RAB3GAP2: variants seen among roughly 807,000 people sequenced by gnomAD.
RAB3GAP2 encodes the protein rab3 GTPase-activating protein non-catalytic subunit.
RAB3GAP2 carries 87 observed loss-of-function variants against 185.3 expected under a neutral mutation model. The observed-to-expected ratio is 0.47, with a 90% CI of 0.39 to 0.56. RAB3GAP2 has a LOEUF of 0.56. RAB3GAP2 is among the 20% of genes least tolerant of loss of function. The pLI is 0.00. For missense variants in RAB3GAP2, 1,492 were observed against 1,638.2 expected (o/e 0.91, Z 1.54); for synonymous variants, 554 against 576.1 (o/e 0.96, Z 0.55).
chr1:220,245,389 G>C (rs1293553306), intron 1 of RAB3GAP2, among the ~76,000 whole-genome samples: 1 of 152,246 alleles, frequency 6.6e-6, no homozygotes, highest in Non-Finnish European at 1.5e-5. Flanking sequence ...CCCTTTGCGA[G>C]TCAAAGAAAG....
chr1:220,258,871 A>G (rs1183147325), intron 1 of RAB3GAP2, among the ~76,000 whole-genome samples: 1 of 152,222 alleles, frequency 6.6e-6, no homozygotes. Context: ...TTAAGCTGAT[A>G]AGCAACTTCA....
At chr1:220,180,870 T>C (rs896267822) in intron 21 of RAB3GAP2, among the ~76,000 whole-genome samples, 52 of 152,010 alleles carry the variant, frequency 3.4e-4, no homozygotes, top group African/African-American at 1.1e-3. Flanking sequence ...TGTGAAAGAG[T>C]ATGCAGTTGG....
intron 2 of RAB3GAP2, among the ~76,000 whole-genome samples, chr1:220,221,982 A>G (rs1659314373): frequency 6.6e-6 from 1 of 152,234 alleles, no homozygotes; most frequent in Non-Finnish European, 1.5e-5. Context: ...TTATGTTGTT[A>G]CTGTCATTTT....
At chr1:220,153,727 A>T (rs918004721) in intron 32 of RAB3GAP2, 5 of 465,616 alleles carry the variant, frequency 1.1e-5, no homozygotes, top group Middle Eastern at 6.5e-4. Context: ...CATTAGGTAT[A>T]TCTCCTAATG....
intron 17 of RAB3GAP2, 87 bp downstream of exon 17, chr1:220,189,616 T>G: frequency 2.3e-6 from 3 of 1,322,682 alleles, no homozygotes; most frequent in Non-Finnish European, 3.1e-6. Flanking sequence ...GCCTCTCATG[T>G]TTGGGGGAAA....
chr1:220,231,870 A>C (rs1030510400), intron 2 of RAB3GAP2, among the ~76,000 whole-genome samples: 1 of 152,238 alleles, frequency 6.6e-6, no homozygotes, highest in African/African-American at 2.4e-5. Context: ...TGAAGCCAAC[A>C]CTGCATATAC....
chr1:220,214,946 T>TTATATATATATATATATATA lies in RAB3GAP2; in HGVS notation c.181-987_181-968dup, dbSNP rs10526805. Among the ~76,000 whole-genome samples, 430 of 89,364 alleles carry TTATATATATATATATATATA rather than the reference T, an allele frequency of 4.8e-3. 6 individuals carry two copies. The highest frequency in any genetic ancestry group is 6.9e-3 in the Middle Eastern group (1 of 144). The allele number at this position is 89,364 out of a possible 152,430, so 58.6% of individuals were successfully genotyped here. A position where few individuals can be genotyped will look rare whatever the true frequency, so the allele number is the denominator to read the frequency against. ...CCTTTTTCTTACAAGAATAGTAGCATTATATATATATATATATATATATAT... is the reference window on the plus strand; with the variant it reads ...CCTTTTTCTTACAAGAATAGTAGCATTATATATATATATATATATATATATATATATATATATATATATAT... On this transcript the variant is annotated intron_variant, in intron 2 of 34. Transcript: ENST00000358951.
At chr1:220,214,271 C>T (rs948811786) in intron 2 of RAB3GAP2, among the ~76,000 whole-genome samples, 3 of 152,144 alleles carry the variant, frequency 2.0e-5, no homozygotes, top group Admixed American at 1.3e-4. Flanking sequence ...CATGGTGGCT[C>T]ACACCTGTAA....
At position 220,153,295 on chromosome 1, in the gene RAB3GAP2, G is replaced by A. The variant is rs564016323; in HGVS notation, c.3757C>T (p.Pro1253Ser). 1.9e-4 allele frequency: 303 copies of A among 1,614,112 alleles called. 4 individuals carry two copies. The South Asian group carries it at 3.2e-3, about 17-fold the overall frequency. Residue 1253 changes from proline to serine, a missense_variant, in exon 33 of 35, where the codon CCA becomes TCA. Pro to Ser is a moderately conservative substitution (Grantham distance 74). Coordinates refer to ENST00000358951, the MANE Select transcript of RAB3GAP2 (RefSeq NM_012414.4). ...TGGGCTAAATCCACAGCTAGAGCTG[G>A]CCAATCTTGGTCTTTCCCAAAAGGA... ...PTPFGKDQDWPALAVDLAHHL... is the reference protein window; with the variant it reads ...PTPFGKDQDWSALAVDLAHHL...
Position 220,157,294 on chromosome 1 carries a change from C to T in RAB3GAP2, c.3531G>A (p.Lys1177=), listed in dbSNP as rs753887972. ...CCTTACTGTCAAAAAGTGAAAGTGG[C>T]TTCACGGTCTTCAGAGAAAACCTCA... ...AVMRFSLKTV[K]PLSLFDSKGK... Residue 1177 remains lysine (K), a synonymous_variant, in exon 31 of 35, where the codon AAG becomes AAA. Coordinates refer to ENST00000358951, the MANE Select transcript of RAB3GAP2 (RefSeq NM_012414.4). 2 of 1,613,814 alleles carry T rather than the reference C, an allele frequency of 1.2e-6. No individual in the cohort carries two copies. The highest frequency in any genetic ancestry group is 1.7e-5 in the Admixed American group (1 of 59,956).
chr1:220,213,419 C>A (rs1024020456), intron 3 of RAB3GAP2, among the ~76,000 whole-genome samples: 7 of 151,984 alleles, frequency 4.6e-5, no homozygotes, highest in Non-Finnish European at 1.0e-4. Flanking sequence ...AAAAAAACCT[C>A]AATTTTAATC....
intron 1 of RAB3GAP2, among the ~76,000 whole-genome samples, chr1:220,246,143 G>C (rs1337600217): frequency 6.6e-6 from 1 of 152,126 alleles, no homozygotes. Context: ...CTCAAAAGAA[G>C]ACATCTATGC....
At chr1:220,220,974 C>T (rs1052072837) in intron 2 of RAB3GAP2, among the ~76,000 whole-genome samples, 4 of 152,116 alleles carry the variant, frequency 2.6e-5, no homozygotes, top group Admixed American at 6.5e-5. Flanking sequence ...GGAGAGAGCA[C>T]CCTGGCTTCT....
intron 9 of RAB3GAP2, among the ~76,000 whole-genome samples, chr1:220,200,983 GTCC>G (rs1658844892): frequency 6.6e-6 from 1 of 152,172 alleles, no homozygotes; most frequent in Non-Finnish European, 1.5e-5. Context: ...CAATAAGTGT[GTCC>G]TCCTCTGCTC....
At chr1:220,190,833 A>G (rs1303047582) in intron 14 of RAB3GAP2, among the ~76,000 whole-genome samples, 3 of 152,144 alleles carry the variant, frequency 2.0e-5, no homozygotes, top group Admixed American at 2.0e-4. Flanking sequence ...GTAAGGGACA[A>G]ACATTAGCAA....
At chr1:220,202,672 G>A (rs995902570) in intron 8 of RAB3GAP2, among the ~76,000 whole-genome samples, 2 of 152,178 alleles carry the variant, frequency 1.3e-5, no homozygotes, top group Admixed American at 1.3e-4. Context: ...GCCGGGCATG[G>A]TGGCTCATGC....
At chr1:220,224,649 T>C (rs982412102) in intron 2 of RAB3GAP2, among the ~76,000 whole-genome samples, 16 of 152,092 alleles carry the variant, frequency 1.1e-4, no homozygotes, top group African/African-American at 3.9e-4. Context: ...GTAAAAGAAT[T>C]CTTTTTAAAG....
rs376673280 is a variant in RAB3GAP2 at position 220,158,681 on chromosome 1, T to C, written c.3261+705A>G. On this transcript the variant is annotated intron_variant, in intron 29 of 34. Transcript: ENST00000358951. The surrounding 1 kb of genome is among the most constrained non-coding windows in gnomAD (Gnocchi z 4.3). ...GTCTCAAACTCCTGACCTCAGGTGA[T>C]CCACCAGCCTCGCCTTTCCAAAGTG... 5.3e-5 allele frequency among the ~76,000 whole-genome samples: 8 copies of C among 152,272 alleles called. No homozygotes were observed. The East Asian group carries it at 1.2e-3, about 22-fold the overall frequency.
chr1:220,229,745 C>T (rs1188925402), intron 2 of RAB3GAP2, among the ~76,000 whole-genome samples: 1 of 152,134 alleles, frequency 6.6e-6, no homozygotes, highest in East Asian at 1.9e-4. Flanking sequence ...TAGCTCAGCA[C>T]CAGCACTATT....
Sources: gnomAD v4.1 joint callset for allele counts (sites outside exome capture counted in the v4.1 genomes callset) on GRCh38, gnomAD v4.1.1 for gene constraint, Gnocchi (gnomAD v3.1) non-coding constraint, MANE v1.5 for transcripts, NCBI Gene and HGNC (gene_info 2026-07-23, HGNC 2026-07-21) for gene names.